The following SLC39A10 variants were observed in gnomAD, a reference collection of about 807,000 sequenced individuals.
SLC39A10 encodes the protein solute carrier family 39 member 10.
SLC39A10 carries 13 observed loss-of-function variants against 65.1 expected under a neutral mutation model. That is an observed-to-expected ratio of 0.20 (90% CI 0.13 to 0.32). The LOEUF is 0.32. Ranked by LOEUF, SLC39A10 falls within the 10% of genes least tolerant of loss-of-function variation. SLC39A10 has a pLI of 1.00. For missense variants in SLC39A10, 831 were observed against 1,018.4 expected (o/e 0.82, Z 2.50); for synonymous variants, 321 against 342.2 (o/e 0.94, Z 0.68).
chr2:195,729,961 A>AT (rs58936616), intron 9 of SLC39A10, among the ~76,000 whole-genome samples: 32,284 of 89,490 alleles, frequency 0.36, 6,675 homozygotes, highest in Middle Eastern at 0.5. Context: ...ACCATGCCTA[A>AT]TTTTTTTTTT....
chr2:195,713,498 T>C lies in SLC39A10; in HGVS notation c.1641T>C (p.Asp547=), dbSNP rs761520137. 2 of 1,587,996 alleles carry C rather than the reference T, an allele frequency of 1.3e-6. No homozygotes were observed. The highest frequency in any genetic ancestry group is 2.3e-5 in the East Asian group (1 of 43,398). The change falls in exon 6 of 10, where the codon GAT becomes GAC. Residue 547 remains aspartate, a synonymous_variant. Transcript: ENST00000359634. The part of the protein sequence containing the change: ...EESTIGRKLS[D]HKLNNTPDSD... ...CAACTATTGGAAGAAAGCTTTCAGA[T>C]CACAAGTTAAACAATACACCAGATT...
At chr2:195,666,769 A>G (rs1039509403) in intron 1 of SLC39A10, among the ~76,000 whole-genome samples, 2 of 152,202 alleles carry the variant, frequency 1.3e-5, no homozygotes, top group African/African-American at 4.8e-5. Flanking sequence ...GCTGGTTAGC[A>G]CTGTAAGTCT....
At chr2:195,629,220 C>T (rs1688533271) in intron 2 of SLC39A10, among the ~76,000 whole-genome samples, 1 of 151,984 alleles carries the variant, frequency 6.6e-6, no homozygotes, top group African/African-American at 2.4e-5. Flanking sequence ...AACCCCATCT[C>T]TAAAAATACA....
At chr2:195,678,216 A>T (rs1690168326) in intron 1 of SLC39A10, among the ~76,000 whole-genome samples, 1 of 152,202 alleles carries the variant, frequency 6.6e-6, no homozygotes, top group Non-Finnish European at 1.5e-5. Flanking sequence ...CAGAAGATAC[A>T]ATCTCTAATA....
chr2:195,625,222 AAAAGAAAGAAAG>A lies in SLC39A10; in HGVS notation c.-12+19003_-12+19014del, dbSNP rs376327259. On this transcript the variant is annotated intron_variant, in intron 2 of 2. Transcript: ENST00000458054. ...ACAGAGGGACACTCTGTCTCAAAAA[AAAAGAAAGAAAG>A]AAAGAAAGAAAGATTTAAAACTGTT... Among the ~76,000 whole-genome samples the A allele has an allele frequency of 2.0e-3, 224 of 112,260 alleles. 1 individual carries two copies. The highest frequency in any genetic ancestry group is 6.2e-3 in the African/African-American group (201 of 32,616). The allele number at this position is 112,260 out of a possible 152,430, so 73.6% of individuals were successfully genotyped here.
At chr2:195,682,629 ATATTTTG>A (rs1690369042) in intron 2 of SLC39A10, among the ~76,000 whole-genome samples, 1 of 152,036 alleles carries the variant, frequency 6.6e-6, no homozygotes, top group Non-Finnish European at 1.5e-5. Context: ...ATATCCTAGA[ATATTTTG>A]TTGATAATTA....
chr2:195,734,159 T>TAAA (rs35001848), intron 9 of SLC39A10, among the ~76,000 whole-genome samples: 3,530 of 116,442 alleles, frequency 0.03, 63 homozygotes, highest in Non-Finnish European at 0.043. Context: ...CCTTTTTTTT[T>TAAA]AAAAAAAAAA....
At chr2:195,659,464 G>C (rs1301123274) in intron 1 of SLC39A10, among the ~76,000 whole-genome samples, 2 of 152,166 alleles carry the variant, frequency 1.3e-5, no homozygotes, top group Non-Finnish European at 2.9e-5. Flanking sequence ...GATTTTTGGA[G>C]AAGATAGGAT....
intron 3 of SLC39A10, among the ~76,000 whole-genome samples, chr2:195,688,759 G>GT (rs1336565408): frequency 6.6e-6 from 1 of 152,130 alleles, no homozygotes; most frequent in Non-Finnish European, 1.5e-5. Flanking sequence ...GTGACAATGT[G>GT]TGTTACATGC....
intron 1 of SLC39A10, among the ~76,000 whole-genome samples, chr2:195,676,616 T>C (rs905079266): frequency 1.2e-4 from 18 of 152,324 alleles, no homozygotes; most frequent in African/African-American, 3.4e-4. Flanking sequence ...GTCAATATTA[T>C]TGATGCTCTT....
chr2:195,701,009 C>T, intron 3 of SLC39A10, among the ~76,000 whole-genome samples: 1 of 142,130 alleles, frequency 7.0e-6, no homozygotes, highest in Non-Finnish European at 1.5e-5. Context: ...GCTGTCCCTC[C>T]CCCCCACCCC....
intron 2 of SLC39A10, among the ~76,000 whole-genome samples, chr2:195,624,259 C>T (rs1056147222): frequency 2.8e-4 from 42 of 151,440 alleles, no homozygotes; most frequent in African/African-American, 9.0e-4. Flanking sequence ...TGCTGGCGGG[C>T]GCCTGTAATC....
upstream of SLC39A10, among the ~76,000 whole-genome samples, chr2:195,656,386 G>A (rs1193547802): frequency 6.6e-6 from 1 of 152,164 alleles, no homozygotes; most frequent in African/African-American, 2.4e-5. Context: ...TGAGCACGGT[G>A]TAGGCACAAG....
At chr2:195,713,376 T>A (rs1691665814) in intron 5 of SLC39A10, 57 bp from the exon 6 acceptor site, 4 of 1,380,192 alleles carry the variant, frequency 2.9e-6, no homozygotes, top group Non-Finnish European at 2.9e-6. Flanking sequence ...ATATTGTTGC[T>A]AATTGTGTCC....
At chr2:195,633,576 C>T (rs1451370930) in intron 2 of SLC39A10, among the ~76,000 whole-genome samples, 10 of 152,032 alleles carry the variant, frequency 6.6e-5, no homozygotes, top group Admixed American at 6.5e-4. Flanking sequence ...TGTCCAGCAT[C>T]CAGGAAAAAT....
At chr2:195,683,969 G>T in intron 3 of SLC39A10, 63 bp downstream of exon 3, 1 of 1,092,528 alleles carries the variant, frequency 9.2e-7, no homozygotes, top group Non-Finnish European at 1.3e-6. Context: ...TTAAACTATA[G>T]TTGAATTAGA....
intron 2 of SLC39A10, among the ~76,000 whole-genome samples, chr2:195,629,315 A>C (rs1688535430): frequency 6.7e-6 from 1 of 148,662 alleles, no homozygotes; most frequent in Non-Finnish European, 1.5e-5. Flanking sequence ...AATCGCTTGA[A>C]CCCGAGAGGT....
At chr2:195,657,652 C>T (rs892702945) in intron 1 of SLC39A10, 1 of 983,922 alleles carries the variant, frequency 1.0e-6, no homozygotes, top group African/African-American at 1.7e-5. Flanking sequence ...GGGGGAGTGA[C>T]CGCTGGGCGG....
At chr2:195,711,489 A>G (rs377292907) in intron 5 of SLC39A10, among the ~76,000 whole-genome samples, 31 of 152,340 alleles carry the variant, frequency 2.0e-4, no homozygotes, top group African/African-American at 6.7e-4. Flanking sequence ...GGAATTCTCA[A>G]CTATATCAGA....
Sources: allele counts gnomAD v4.1 joint callset (sites outside exome capture counted in the v4.1 genomes callset), GRCh38; gene constraint gnomAD v4.1.1; transcripts MANE v1.5; gene names NCBI Gene and HGNC (gene_info 2026-07-23, HGNC 2026-07-21).